CNTNAP2: variants seen among roughly 807,000 people sequenced by gnomAD.
CNTNAP2 encodes contactin associated protein 2, also known as contactin-associated protein-like 2.
A neutral mutation model predicts 155.2 loss-of-function variants in CNTNAP2; 98 were observed. The ratio of observed to expected loss-of-function variants is 0.63; its 90% CI spans 0.54 to 0.75. The LOEUF (loss-of-function observed/expected upper bound fraction) is 0.75, where lower values mean the gene tolerates loss of function less well. Among genes scored for constraint, CNTNAP2 ranks in the 30% least tolerant of loss-of-function variants. The pLI is 0.00. For missense variants in CNTNAP2, 1,727 were observed against 1,688.1 expected (o/e 1.02, Z -0.40); for synonymous variants, 651 against 631.2 (o/e 1.03, Z -0.47).
intron 13 of CNTNAP2, among the ~76,000 whole-genome samples, chr7:147,745,956 C>A (rs963500815): frequency 6.6e-6 from 1 of 151,964 alleles, no homozygotes; most frequent in African/African-American, 2.4e-5. Flanking sequence ...CAATGAACTT[C>A]TTTTTCATGG....
At chr7:148,296,355 G>C (rs1256938330) in intron 21 of CNTNAP2, among the ~76,000 whole-genome samples, 5 of 151,576 alleles carry the variant, frequency 3.3e-5, no homozygotes, top group Admixed American at 2.0e-4. Context: ...GGGCAACACA[G>C]TGAGACCCCC....
intron 10 of CNTNAP2, among the ~76,000 whole-genome samples, chr7:147,471,690 T>A (rs1187217442): frequency 6.6e-6 from 1 of 152,234 alleles, no homozygotes; most frequent in African/African-American, 2.4e-5. Flanking sequence ...CAACCATTAC[T>A]TCTTGAGAAC....
At position 147,748,506 on chromosome 7, in the gene CNTNAP2, G is replaced by T. The variant is rs569990171; in HGVS notation, c.2098+109200G>T. On this transcript the variant is annotated intron_variant, in intron 13 of 23. Transcript: ENST00000361727. ...TTGCTTAAAGAAAAAGGAAATTTTA[G>T]GTTTCATAAAATTAAGAAGTCTTTA... 3.3e-5 allele frequency among the ~76,000 whole-genome samples: 5 copies of T among 152,262 alleles called. No individual in the cohort carries two copies. In the South Asian group the frequency reaches 1.0e-3, roughly 32 times the overall value.
At chr7:146,599,886 A>C (rs1408288878) in intron 1 of CNTNAP2, among the ~76,000 whole-genome samples, 1 of 152,114 alleles carries the variant, frequency 6.6e-6, no homozygotes, top group African/African-American at 2.4e-5. Context: ...TATGTACTCT[A>C]TGCTTTTGAT....
At chr7:146,555,260 C>A (rs1343890148) in intron 1 of CNTNAP2, among the ~76,000 whole-genome samples, 4 of 152,176 alleles carry the variant, frequency 2.6e-5, no homozygotes, top group Non-Finnish European at 4.4e-5. Flanking sequence ...CACCTTCCCA[C>A]ACCATCTCAC....
At chr7:148,048,171 G>C (rs943215317) in intron 15 of CNTNAP2, among the ~76,000 whole-genome samples, 1 of 150,922 alleles carries the variant, frequency 6.6e-6, no homozygotes, top group Non-Finnish European at 1.5e-5. Context: ...TGATCCGCCC[G>C]CCTCGGCCTC....
chr7:148,065,136 C>T (rs1457867474), intron 15 of CNTNAP2, among the ~76,000 whole-genome samples: 1 of 152,098 alleles, frequency 6.6e-6, no homozygotes, highest in Non-Finnish European at 1.5e-5. Flanking sequence ...CAATTTTATT[C>T]CACTGTAGTC....
intron 15 of CNTNAP2, among the ~76,000 whole-genome samples, chr7:147,986,295 G>A (rs1801617253): frequency 6.6e-6 from 1 of 152,036 alleles, no homozygotes; most frequent in Non-Finnish European, 1.5e-5. Context: ...CATCATGATG[G>A]GCTCATACAT....
chr7:148,188,680 T>C (rs537795654), intron 18 of CNTNAP2, among the ~76,000 whole-genome samples: 2 of 152,332 alleles, frequency 1.3e-5, no homozygotes, highest in South Asian at 4.1e-4. Flanking sequence ...TAGTTATTGA[T>C]CCATGTTAGA....
At chr7:146,369,492 A>T (rs1490044056) in intron 1 of CNTNAP2, among the ~76,000 whole-genome samples, 1 of 152,190 alleles carries the variant, frequency 6.6e-6, no homozygotes, top group African/African-American at 2.4e-5. Context: ...ATGCTGCAGA[A>T]TTGTCTTCTA....
chr7:146,817,608 T>A (rs957515016), intron 2 of CNTNAP2, among the ~76,000 whole-genome samples: 3 of 152,062 alleles, frequency 2.0e-5, no homozygotes, highest in Admixed American at 1.3e-4. Context: ...ACACTTACAA[T>A]CATGGAAGAA....
chr7:146,598,427 G>T (rs1798896259), intron 1 of CNTNAP2, among the ~76,000 whole-genome samples: 1 of 152,002 alleles, frequency 6.6e-6, no homozygotes, highest in East Asian at 1.9e-4. Context: ...TATACTCACT[G>T]TCTGTACTGT....
At chr7:146,937,012 G>T (rs1796929971) in intron 3 of CNTNAP2, among the ~76,000 whole-genome samples, 1 of 152,158 alleles carries the variant, frequency 6.6e-6, no homozygotes, top group Non-Finnish European at 1.5e-5. Context: ...AGTTTTGTAA[G>T]ATCAATAAAA....
At chr7:146,246,280 A>G (rs1174123900) in intron 1 of CNTNAP2, among the ~76,000 whole-genome samples, 3 of 150,734 alleles carry the variant, frequency 2.0e-5, no homozygotes, top group African/African-American at 4.9e-5. Context: ...TTGGATTGGG[A>G]AGAAGGGCAG....
intron 21 of CNTNAP2, among the ~76,000 whole-genome samples, chr7:148,303,313 C>T (rs1479400985): frequency 6.6e-6 from 1 of 152,162 alleles, no homozygotes. Context: ...AGGGGTCATG[C>T]AGAGCTAAGC....
chr7:148,384,040 AGGG>A, intron 22 of CNTNAP2, 152 bp downstream of exon 22: 4 of 1,072,570 alleles, frequency 3.7e-6, no homozygotes, highest in Non-Finnish European at 5.4e-6. Flanking sequence ...CGGAGTTCTC[AGGG>A]CAGCACTTAG....
chr7:146,733,030 A>C (rs536130853), intron 1 of CNTNAP2, among the ~76,000 whole-genome samples: 1 of 152,144 alleles, frequency 6.6e-6, no homozygotes, highest in Admixed American at 6.5e-5. Context: ...TATTCTAATC[A>C]TAAAAAATAG....
intron 8 of CNTNAP2, among the ~76,000 whole-genome samples, chr7:147,277,080 A>G (rs964201528): frequency 6.6e-6 from 1 of 152,040 alleles, no homozygotes; most frequent in Non-Finnish European, 1.5e-5. Flanking sequence ...TTTGTGGTTC[A>G]GTAATTTATC....
Position 146,834,557 on chromosome 7 carries a change from G to T in CNTNAP2, c.209-5154G>T, listed in dbSNP as rs116163289. ...AGAGAGCACAGAAGAAGAGAGAGAA[G>T]GGGAATGAAGAAACAGCATTCTTAT... On this transcript the variant is annotated intron_variant, in intron 2 of 23. Coordinates refer to ENST00000361727, the MANE Select transcript of CNTNAP2 (RefSeq NM_014141.6). Among the ~76,000 whole-genome samples the T allele has an allele frequency of 2.5e-3, 373 of 152,162 alleles. 2 individuals carry two copies. Among genetic ancestry groups the T allele is most frequent in the African/African-American group, 8.6e-3 (358 of 41,512 alleles).
Sources: gnomAD v4.1 joint callset for allele counts (sites outside exome capture counted in the v4.1 genomes callset) on GRCh38, gnomAD v4.1.1 for gene constraint, MANE v1.5 for transcripts, NCBI Gene and HGNC (gene_info 2026-07-23, HGNC 2026-07-21) for gene names.